Variants in GRID2 observed in about 807,000 individuals in gnomAD.
GRID2 encodes glutamate receptor ionotropic, delta-2.
Under a neutral mutation model 114.8 loss-of-function variants are expected in GRID2, and 33 were observed. The observed-to-expected ratio is 0.29, with a 90% CI of 0.22 to 0.38. The LOEUF (loss-of-function observed/expected upper bound fraction) is 0.38. GRID2 is among the 10% of genes least tolerant of loss of function. The probability of loss-of-function intolerance (pLI) is 1.00; values close to 1 mark genes in which losing one functional copy is unlikely to be tolerated. For synonymous variants in GRID2, 505 were observed against 449.9 expected (o/e 1.12, Z -1.55); for missense variants, 1,184 against 1,257.7 (o/e 0.94, Z 0.89).
At chr4:92,418,277 G>A (rs1488550076) in intron 1 of GRID2, among the ~76,000 whole-genome samples, 2 of 152,082 alleles carry the variant, frequency 1.3e-5, no homozygotes, top group Non-Finnish European at 2.9e-5. Flanking sequence ...TGAGCTGGGA[G>A]ATGGCCAAAA....
In GRID2 at chr4:93,398,504, C is replaced by G. The variant is rs142607212; in HGVS notation, c.1347+2796C>G. On this transcript the variant is annotated intron_variant, in intron 9 of 15. Coordinates refer to ENST00000282020, the MANE Select transcript of GRID2 (RefSeq NM_001510.4). The stretch of plus-strand genomic sequence containing the variant: ...TTGTTTGACTTGAGAGTTGAAAATG[C>G]TTACGTCTGAATAAGGTGAAAGTGA... Among the ~76,000 whole-genome samples, 1,438 of 151,778 alleles carry G rather than the reference C, an allele frequency of 9.5e-3. 12 individuals are homozygous for G. Among genetic ancestry groups the G allele is most frequent in the Middle Eastern group, 0.038 (11 of 292 alleles).
At chr4:92,756,941 A>G (rs968327203) in intron 2 of GRID2, among the ~76,000 whole-genome samples, 1 of 151,994 alleles carries the variant, frequency 6.6e-6, no homozygotes, top group African/African-American at 2.4e-5. Flanking sequence ...GCTGTGCAGA[A>G]GGTTTTTGGT....
At chr4:92,877,253 A>G (rs77220371) in intron 2 of GRID2, among the ~76,000 whole-genome samples, 4,187 of 152,266 alleles carry the variant, frequency 0.027, 122 homozygotes, top group East Asian at 0.076. Flanking sequence ...AAGGTAGGAA[A>G]TTGCTTAAGC....
intron 14 of GRID2, among the ~76,000 whole-genome samples, chr4:93,643,364 G>C (rs1440124920): frequency 3.4e-5 from 1 of 29,204 alleles, no homozygotes; most frequent in Admixed American, 2.9e-4. Context: ...GAGGAACTGC[G>C]TTCCTTTGGA....
rs1190332015 is a variant in GRID2 at position 92,647,659 on chromosome 4, TTA to T, written c.244+57377_244+57378del. On this transcript the variant is annotated intron_variant, in intron 2 of 15. Transcript: ENST00000282020. ...AGCATACCAACAATTTTAGATCACT[TTA>T]TATGTTATGAAATTTTCCTTAGTTG... Among the ~76,000 whole-genome samples, 15 of 149,722 alleles carry T rather than the reference TTA, an allele frequency of 1.0e-4. 1 individual carries two copies. Among genetic ancestry groups the T allele is most frequent in the African/African-American group, 3.5e-4 (14 of 39,978 alleles).
intron 6 of GRID2, among the ~76,000 whole-genome samples, chr4:93,224,059 A>G (rs926296584): frequency 6.6e-6 from 1 of 152,168 alleles, no homozygotes; most frequent in Non-Finnish European, 1.5e-5. Context: ...TAGATCCTTG[A>G]TCACTATAAT....
intron 13 of GRID2, among the ~76,000 whole-genome samples, chr4:93,583,104 C>T (rs943935456): frequency 3.3e-5 from 5 of 152,118 alleles, no homozygotes; most frequent in Admixed American, 6.6e-5. Flanking sequence ...GTCGTCTCTA[C>T]GTCTCCATGT....
chr4:93,190,931 T>C (rs1475635904), intron 4 of GRID2, among the ~76,000 whole-genome samples: 1 of 151,970 alleles, frequency 6.6e-6, no homozygotes. Context: ...TGAAAATTAT[T>C]TGTGATTTCT....
intron 1 of GRID2, among the ~76,000 whole-genome samples, chr4:92,416,603 G>T (rs554575646): frequency 1.3e-5 from 2 of 152,234 alleles, no homozygotes; most frequent in East Asian, 3.9e-4. Flanking sequence ...TGAGGATCCA[G>T]CTCTATTCTC....
intron 1 of GRID2, among the ~76,000 whole-genome samples, chr4:92,356,784 A>G (rs554218642): frequency 6.6e-6 from 1 of 151,800 alleles, no homozygotes; most frequent in Non-Finnish European, 1.5e-5. Flanking sequence ...GAAAAAATCA[A>G]TGCAAAAAGG....
At chr4:92,818,298 C>T (rs1198269389) in intron 2 of GRID2, among the ~76,000 whole-genome samples, 1 of 152,044 alleles carries the variant, frequency 6.6e-6, no homozygotes, top group Non-Finnish European at 1.5e-5. Context: ...AATACAGATT[C>T]CTTCTTTTTT....
At chr4:93,529,279 A>T (rs1276607380) in intron 13 of GRID2, among the ~76,000 whole-genome samples, 5 of 152,178 alleles carry the variant, frequency 3.3e-5, no homozygotes, top group African/African-American at 1.2e-4. Context: ...ATTCTGATAA[A>T]CATTGTTCAC....
intron 2 of GRID2, among the ~76,000 whole-genome samples, chr4:92,809,181 G>A (rs1470771045): frequency 6.6e-6 from 1 of 151,806 alleles, no homozygotes; most frequent in African/African-American, 2.4e-5. Flanking sequence ...TTAAGAGATA[G>A]CATGTAGTAG....
chr4:93,486,247 A>C (rs1371031258), intron 11 of GRID2, among the ~76,000 whole-genome samples: 1 of 151,756 alleles, frequency 6.6e-6, no homozygotes, highest in Non-Finnish European at 1.5e-5. Flanking sequence ...TTAGTAATTT[A>C]TCCTTTGTTC....
chr4:92,935,675 C>G (rs1232564920), intron 2 of GRID2, among the ~76,000 whole-genome samples: 4 of 146,774 alleles, frequency 2.7e-5, no homozygotes, highest in African/African-American at 9.7e-5. Context: ...GAAAATGTGG[C>G]ACATATACAC....
chr4:93,732,488 A>G (rs1217245741), intron 14 of GRID2, among the ~76,000 whole-genome samples: 2 of 152,194 alleles, frequency 1.3e-5, no homozygotes, highest in Non-Finnish European at 2.9e-5. Context: ...TTAGTAGACT[A>G]TCATTTTCTG....
chr4:93,383,339 T>A (rs553964003), intron 8 of GRID2, among the ~76,000 whole-genome samples: 341 of 152,310 alleles, frequency 2.2e-3, no homozygotes, highest in African/African-American at 7.7e-3. Flanking sequence ...TTTTGTGAAC[T>A]GCATGTAAGT....
At chr4:93,470,375 A>G (rs1214991182) in intron 11 of GRID2, among the ~76,000 whole-genome samples, 1 of 152,154 alleles carries the variant, frequency 6.6e-6, no homozygotes, top group Non-Finnish European at 1.5e-5. Flanking sequence ...TAGAAAATGA[A>G]CAGTAATTGC....
intron 13 of GRID2, among the ~76,000 whole-genome samples, chr4:93,593,778 T>C (rs1341878022): frequency 6.6e-6 from 1 of 152,208 alleles, no homozygotes; most frequent in Non-Finnish European, 1.5e-5. Context: ...TTCTCTAAAC[T>C]TTCCTTCTCG....
Sources: allele counts gnomAD v4.1 joint callset (sites outside exome capture counted in the v4.1 genomes callset), GRCh38; gene constraint gnomAD v4.1.1; transcripts MANE v1.5; gene names NCBI Gene and HGNC (gene_info 2026-07-23, HGNC 2026-07-21).